The following STAU2 variants were observed in gnomAD, a reference collection of about 807,000 sequenced individuals.
The protein encoded by STAU2 is double-stranded RNA-binding protein Staufen homolog 2.
STAU2 carries 20 observed loss-of-function variants against 65.9 expected under a neutral mutation model. The observed-to-expected ratio is 0.30, with a 90% CI of 0.21 to 0.44. The LOEUF is 0.44. Ranked by LOEUF, STAU2 falls within the 20% of genes least tolerant of loss-of-function variation. STAU2 has a pLI of 1.00. For synonymous variants in STAU2, 232 were observed against 233.9 expected (o/e 0.99, Z 0.07); for missense variants, 558 against 683.9 (o/e 0.82, Z 2.05).
At chr8:73,656,192 C>T (rs1263868125) in intron 6 of STAU2, among the ~76,000 whole-genome samples, 2 of 152,146 alleles carry the variant, frequency 1.3e-5, no homozygotes, top group Non-Finnish European at 2.9e-5. Context: ...TTTCTTACTG[C>T]TAAAATGAGA....
At chr8:73,464,844 G>A (rs991106008) in intron 13 of STAU2, among the ~76,000 whole-genome samples, 3 of 152,214 alleles carry the variant, frequency 2.0e-5, no homozygotes, top group Admixed American at 1.3e-4. Context: ...AAATAAAAAC[G>A]ATCTCTTTCA....
At chr8:73,518,572 T>C (rs568619994) in intron 13 of STAU2, among the ~76,000 whole-genome samples, 1 of 152,324 alleles carries the variant, frequency 6.6e-6, no homozygotes, top group South Asian at 2.1e-4. Context: ...CCATATAATT[T>C]TCACATGTCA....
Position 73,724,697 on chromosome 8 carries a change from T to A in STAU2, c.-18+13587A>T, listed in dbSNP as rs1240897135. Among the ~76,000 whole-genome samples, 790 of 149,252 alleles carry A rather than the reference T, an allele frequency of 5.3e-3. 6 individuals carry two copies. Among genetic ancestry groups the A allele is most frequent in the African/African-American group, 0.016 (648 of 40,576 alleles). On this transcript the variant is annotated intron_variant, in intron 3 of 14. Coordinates refer to ENST00000524300, the MANE Select transcript of STAU2 (RefSeq NM_001164380.2). Reference sequence around the variant, plus strand: ...TGTGTATATATATATATATATTTTTTTTTTTTTTCTGAGTCAAGGTCCCAC... The same window carrying A: ...TGTGTATATATATATATATATTTTTATTTTTTTTCTGAGTCAAGGTCCCAC...
chr8:73,706,641 T>C (rs902237331), intron 4 of STAU2, among the ~76,000 whole-genome samples: 2 of 152,118 alleles, frequency 1.3e-5, no homozygotes, highest in East Asian at 3.9e-4. Context: ...CTCAACAACA[T>C]GCCAATTATT....
intron 13 of STAU2, among the ~76,000 whole-genome samples, chr8:73,535,587 G>A (rs368385187): frequency 9.9e-5 from 15 of 152,136 alleles, no homozygotes; most frequent in Middle Eastern, 6.8e-3. Flanking sequence ...CATTTCCATC[G>A]AAAGAAAACA....
rs936807675 is a variant in STAU2, at chr8:73,502,615, A to G, written c.1530+49397T>C. Among the ~76,000 whole-genome samples, 6 of 151,944 alleles carry G rather than the reference A, an allele frequency of 3.9e-5. No homozygotes were observed. In the East Asian group the frequency reaches 9.7e-4, roughly 25 times the overall value. On this transcript the variant is annotated intron_variant, in intron 13 of 14. Coordinates refer to ENST00000524300, the MANE Select transcript of STAU2 (RefSeq NM_001164380.2). The stretch of plus-strand genomic sequence containing the variant: ...CTTTTACTAAATGCGTTTTTTCTCT[A>G]TTGCCTAGAGGGAGCTCTGGTTCAT...
At chr8:73,571,461 A>C (rs1386768749) in intron 12 of STAU2, among the ~76,000 whole-genome samples, 1 of 152,228 alleles carries the variant, frequency 6.6e-6, no homozygotes, top group Non-Finnish European at 1.5e-5. Flanking sequence ...TCAGCACCAC[A>C]TCGCACTTAT....
At chr8:73,716,951 A>AG (rs1821292637) in intron 3 of STAU2, among the ~76,000 whole-genome samples, 1 of 152,140 alleles carries the variant, frequency 6.6e-6, no homozygotes, top group African/African-American at 2.4e-5. Context: ...AAATACAAAA[A>AG]GTAGCTGGGC....
At chr8:73,498,819 T>A (rs1821580502) in intron 13 of STAU2, among the ~76,000 whole-genome samples, 1 of 151,818 alleles carries the variant, frequency 6.6e-6, no homozygotes, top group African/African-American at 2.4e-5. Flanking sequence ...ATTGAGCAGC[T>A]AAGGGAATGT....
At chr8:73,627,877 T>C (rs1022275689) in intron 6 of STAU2, among the ~76,000 whole-genome samples, 10 of 152,044 alleles carry the variant, frequency 6.6e-5, no homozygotes, top group African/African-American at 2.2e-4. Flanking sequence ...AGAAGCCTTA[T>C]GTTCTCTAAG....
At chr8:73,447,157 G>T (rs1818511294) in intron 13 of STAU2, among the ~76,000 whole-genome samples, 1 of 152,012 alleles carries the variant, frequency 6.6e-6, no homozygotes, top group Non-Finnish European at 1.5e-5. Context: ...TATTGGCCAG[G>T]CTGGTCTCGA....
intron 6 of STAU2, among the ~76,000 whole-genome samples, chr8:73,648,884 G>A (rs1815594712): frequency 6.6e-6 from 1 of 152,154 alleles, no homozygotes; most frequent in African/African-American, 2.4e-5. Flanking sequence ...ATAGCTCACT[G>A]CAGCCTCAAA....
At position 73,677,558 on chromosome 8, in the gene STAU2, T is replaced by C. The variant is rs565500775; in HGVS notation, c.275-4316A>G. Reference sequence around the variant, plus strand: ...CATAGATGACTCTCACACACAATATTGAGAAAAATGAGCTATCACAAGAGT... The same window carrying C: ...CATAGATGACTCTCACACACAATATCGAGAAAAATGAGCTATCACAAGAGT... On this transcript the variant is annotated intron_variant, in intron 5 of 14. Transcript: ENST00000524300. Among the ~76,000 whole-genome samples, 45 of 152,232 alleles carry C rather than the reference T, an allele frequency of 3.0e-4. No homozygotes were observed. In the South Asian group the frequency reaches 8.7e-3, roughly 29 times the overall value.
At chr8:73,673,289 C>T in intron 5 of STAU2, 47 bp from the exon 6 acceptor site, 1 of 1,466,196 alleles carries the variant, frequency 6.8e-7, no homozygotes, top group Middle Eastern at 1.9e-4. Flanking sequence ...AATATCTTCA[C>T]AATTAAACAT....
chr8:73,545,673 A>T (rs1360643552), intron 13 of STAU2, among the ~76,000 whole-genome samples: 1 of 149,576 alleles, frequency 6.7e-6, no homozygotes, highest in Non-Finnish European at 1.5e-5. Context: ...TTTGAGACAG[A>T]GTCTCACACT....
At chr8:73,526,041 A>G (rs1805429280) in intron 13 of STAU2, among the ~76,000 whole-genome samples, 1 of 152,226 alleles carries the variant, frequency 6.6e-6, no homozygotes, top group Non-Finnish European at 1.5e-5. Flanking sequence ...GCATATGTCA[A>G]TGTAAAACCC....
chr8:73,428,740 C>T (rs989871409), intron 13 of STAU2, among the ~76,000 whole-genome samples: 3 of 152,180 alleles, frequency 2.0e-5, no homozygotes, highest in Admixed American at 2.0e-4. Flanking sequence ...GTGGCCTGAA[C>T]ACCAGAACCA....
chr8:73,705,099 T>C (rs1451659175), intron 4 of STAU2, among the ~76,000 whole-genome samples: 2 of 152,244 alleles, frequency 1.3e-5, no homozygotes, highest in African/African-American at 2.4e-5. Context: ...GGGGTTGTTT[T>C]AGTCCTATAT....
intron 13 of STAU2, among the ~76,000 whole-genome samples, chr8:73,460,506 G>C (rs1160264750): frequency 6.6e-6 from 1 of 152,192 alleles, no homozygotes; most frequent in East Asian, 1.9e-4. Flanking sequence ...AAATTGATGT[G>C]AGTACCCAAC....
Sources: allele counts gnomAD v4.1 joint callset (sites outside exome capture counted in the v4.1 genomes callset), GRCh38; gene constraint gnomAD v4.1.1; transcripts MANE v1.5; gene names NCBI Gene and HGNC (gene_info 2026-07-23, HGNC 2026-07-21).